The following NT5E variants were observed in gnomAD, a reference collection of about 807,000 sequenced individuals.
NT5E encodes the protein 5'-nucleotidase.
Under a neutral mutation model 55.1 loss-of-function variants are expected in NT5E, and 53 were observed. The ratio of observed to expected loss-of-function variants is 0.96; its 90% CI spans 0.77 to 1.21. The LOEUF is 1.21. Ranked by LOEUF, NT5E falls within the 50% of genes most tolerant of loss-of-function variation. The probability of loss-of-function intolerance (pLI) is 0.00; values close to 1 mark genes in which losing one functional copy is unlikely to be tolerated. For synonymous variants in NT5E, 270 were observed against 278.4 expected, an observed-to-expected ratio of 0.97 and a Z score of 0.30; for missense variants, 683 against 724.3, an observed-to-expected ratio of 0.94 and a Z score of 0.65.
At chr6:85,488,555 T>TTTTA (rs780089112) in intron 5 of NT5E, among the ~76,000 whole-genome samples, 1,713 of 152,150 alleles carry the variant, frequency 0.011, 33 homozygotes, top group African/African-American at 0.039. Flanking sequence ...AGCTTTTGCT[T>TTTTA]TTTATTTATT....
rs1452302579 is a variant in NT5E, at chr6:85,493,825, GTA to G, written c.1562-12_1562-11del. ...TTACCTTTTCTGTAGTTAAAATAAT[GTA>G]TATGTTTTTCTAGGTGACCAAGATA... On this transcript the variant is annotated splice_polypyrimidine_tract_variant and intron_variant, in intron 8 of 8. Coordinates refer to ENST00000257770, the MANE Select transcript of NT5E (RefSeq NM_002526.4). 1 of 1,598,944 alleles carries G rather than the reference GTA, an allele frequency of 6.3e-7. No individual in the cohort carries two copies. Among genetic ancestry groups the G allele is most frequent in the Non-Finnish European group, 8.6e-7 (1 of 1,166,480 alleles).
chr6:85,467,227 AGTT>A lies in NT5E; in HGVS notation c.510_512del (p.Val171del). ...ATAAAGTTCTTCCTGTTGGTGATGAAGTTGTGGGAATCGTTGGATACACTTCCA... is the reference window on the plus strand; with the variant it reads ...ATAAAGTTCTTCCTGTTGGTGATGAAGTGGGAATCGTTGGATACACTTCCA... On this transcript the variant is annotated inframe_deletion, in exon 2 of 9. Transcript: ENST00000257770. The A allele has an allele frequency of 3.7e-6, 6 of 1,614,162 alleles. No homozygotes were observed. Among genetic ancestry groups the A allele is most frequent in the Non-Finnish European group, 5.1e-6 (6 of 1,180,022 alleles).
chr6:85,482,311 C>G (rs1056447628), intron 3 of NT5E, among the ~76,000 whole-genome samples: 4 of 150,246 alleles, frequency 2.7e-5, no homozygotes, highest in Non-Finnish European at 4.4e-5. Flanking sequence ...TGAACTCTAG[C>G]CTGGGCAACA....
chr6:85,476,849 C>T (rs1769447465), intron 3 of NT5E, among the ~76,000 whole-genome samples: 1 of 152,102 alleles, frequency 6.6e-6, no homozygotes, highest in East Asian at 1.9e-4. Flanking sequence ...TTCTCTCCTT[C>T]TCTGCCATTC....
At chr6:85,459,598 G>C (rs1041189569) in intron 1 of NT5E, among the ~76,000 whole-genome samples, 26 of 152,088 alleles carry the variant, frequency 1.7e-4, no homozygotes, top group African/African-American at 6.0e-4. Flanking sequence ...GCCCAGCCCA[G>C]TATTTTTGAA....
At chr6:85,456,786 T>C (rs139238647) in intron 1 of NT5E, among the ~76,000 whole-genome samples, 73 of 152,246 alleles carry the variant, frequency 4.8e-4, no homozygotes, top group African/African-American at 1.7e-3. Flanking sequence ...CTGGTAGGTA[T>C]AGGGCTAAGG....
intron 8 of NT5E, among the ~76,000 whole-genome samples, chr6:85,493,411 C>T (rs190438109): frequency 1.3e-5 from 2 of 152,248 alleles, no homozygotes; most frequent in Non-Finnish European, 2.9e-5. Flanking sequence ...AGCATTTATC[C>T]TCTCCTCTCT....
chr6:85,486,075 G>C (rs1283117641), intron 4 of NT5E, among the ~76,000 whole-genome samples: 2 of 152,166 alleles, frequency 1.3e-5, no homozygotes, highest in Non-Finnish European at 2.9e-5. Context: ...AGTTTAGTGA[G>C]GGCAGGGGTA....
chr6:85,494,005 C>T lies in NT5E; in HGVS notation c.*1C>T. ...AGTGATCTTTGTTTTATACCAATAG[C>T]CAAAAATTCTCCTTGCCTTTAATGT... On this transcript the variant is annotated 3_prime_UTR_variant, in exon 9 of 9. Transcript: ENST00000257770. 3 of 1,613,642 alleles carry T rather than the reference C, an allele frequency of 1.9e-6. No homozygotes were observed. The South Asian group carries it at 3.3e-5, about 18-fold the overall frequency.
intron 3 of NT5E, among the ~76,000 whole-genome samples, chr6:85,474,235 T>C (rs111638030): frequency 0.016 from 2,418 of 152,356 alleles, 78 homozygotes; most frequent in African/African-American, 0.055. Context: ...GTAAATGATA[T>C]GTAAATAGTT....
At chr6:85,484,844 C>T (rs894003645) in intron 3 of NT5E, among the ~76,000 whole-genome samples, 2 of 152,106 alleles carry the variant, frequency 1.3e-5, no homozygotes, top group African/African-American at 4.8e-5. Context: ...AAATGGATTT[C>T]GCCCACCTTA....
intron 4 of NT5E, among the ~76,000 whole-genome samples, chr6:85,486,204 A>G (rs1417222591): frequency 3.3e-5 from 5 of 152,250 alleles, no homozygotes; most frequent in African/African-American, 9.6e-5. Context: ...GTAGAAGTAC[A>G]GTATGAGATA....
At position 85,471,252 on chromosome 6, in the gene NT5E, T is replaced by G; in HGVS notation, c.578T>G (p.Phe193Cys). The change falls in exon 3 of 9, where the codon TTT becomes TGT. Residue 193 changes from phenylalanine (F) to cysteine (C), a missense_variant. By Grantham distance (205) the Phe-to-Cys change is radical (BLOSUM62 -2). Coordinates refer to ENST00000257770, the MANE Select transcript of NT5E (RefSeq NM_002526.4). ...FLSNPGTNLV[F>C]EDEITALQPE... ...TGTTCCTTAGGGACAAATTTAGTGT[T>G]TGAAGATGAAATCACTGCATTACAA... 1 of 1,607,756 alleles carries G rather than the reference T, an allele frequency of 6.2e-7. No homozygotes were observed. The highest frequency in any genetic ancestry group is 8.5e-7 in the Non-Finnish European group (1 of 1,176,124).
At chr6:85,468,807 A>G (rs1769246765) in intron 2 of NT5E, among the ~76,000 whole-genome samples, 2 of 151,956 alleles carry the variant, frequency 1.3e-5, no homozygotes, top group South Asian at 4.2e-4. Context: ...AAGGCACAGC[A>G]GCTCCAGAAA....
intron 3 of NT5E, among the ~76,000 whole-genome samples, chr6:85,475,500 A>G (rs2127722151): frequency 6.6e-6 from 1 of 152,338 alleles, no homozygotes; most frequent in Middle Eastern, 3.4e-3. Context: ...TCCCTCTACA[A>G]GGCTTACAAA....
chr6:85,450,132 C>T lies in NT5E; in HGVS notation c.-8C>T, dbSNP rs1768822498. ...CCCGCTTTCGCACCCAGTTCACGCG[C>T]CACAGCTATGTGTCCCCGAGCCGCG... On this transcript the variant is annotated 5_prime_UTR_variant, in exon 1 of 9. Coordinates refer to ENST00000257770, the MANE Select transcript of NT5E (RefSeq NM_002526.4). The surrounding 1 kb of genome is among the most constrained non-coding windows in gnomAD (Gnocchi z 4.0). 2 of 1,561,728 alleles carry T rather than the reference C, an allele frequency of 1.3e-6. No individual in the cohort carries two copies. The highest frequency in any genetic ancestry group is 1.2e-5 in the South Asian group (1 of 85,864).
intron 7 of NT5E, 30 bp downstream of exon 7, chr6:85,490,687 A>G (rs1442959340): frequency 2.8e-5 from 45 of 1,612,352 alleles, no homozygotes; most frequent in Non-Finnish European, 3.6e-5. Context: ...GGGCTGGCCC[A>G]TCCAAAGTGA....
intron 5 of NT5E, among the ~76,000 whole-genome samples, chr6:85,488,601 G>A (rs1257999133): frequency 3.9e-5 from 6 of 151,916 alleles, no homozygotes; most frequent in African/African-American, 1.2e-4. Context: ...TATTTATTGA[G>A]ACTGAGTCTT....
At chr6:85,479,234 A>G (rs985036622) in intron 3 of NT5E, among the ~76,000 whole-genome samples, 2 of 152,328 alleles carry the variant, frequency 1.3e-5, no homozygotes, top group East Asian at 3.9e-4. Flanking sequence ...AAATGACTAA[A>G]TGTATCTTCT....
Sources: allele counts gnomAD v4.1 joint callset (sites outside exome capture counted in the v4.1 genomes callset), GRCh38; gene constraint gnomAD v4.1.1; non-coding constraint Gnocchi (gnomAD v3.1); transcripts MANE v1.5; gene names NCBI Gene and HGNC (gene_info 2026-07-23, HGNC 2026-07-21).